Variants in ADAMTSL1 observed in about 807,000 individuals in gnomAD.
ADAMTSL1 encodes the protein ADAMTS like 1.
A neutral mutation model predicts 201.8 loss-of-function variants in ADAMTSL1; 126 were observed. That is an observed-to-expected ratio of 0.62 (90% CI 0.54 to 0.72). ADAMTSL1 has a LOEUF of 0.72. Ranked by LOEUF, ADAMTSL1 falls within the 30% of genes least tolerant of loss-of-function variation. The probability of loss-of-function intolerance (pLI) is 0.00; values close to 1 mark genes in which losing one functional copy is unlikely to be tolerated. For missense variants in ADAMTSL1, 2,679 were observed against 2,277.8 expected, an observed-to-expected ratio of 1.18 and a Z score of -3.59; for synonymous variants, 1,121 against 903.4, an observed-to-expected ratio of 1.24 and a Z score of -4.32.
chr9:17,941,508 C>T (rs1001696171), intron 1 of ADAMTSL1, among the ~76,000 whole-genome samples: 13 of 151,996 alleles, frequency 8.6e-5, no homozygotes, highest in East Asian at 1.9e-4. Context: ...CAATCTCTAC[C>T]ATTTATCCTA....
In ADAMTSL1 at chr9:18,737,319, C is replaced by CAAAA. The variant is rs59511409; in HGVS notation, c.2006+15675_2006+15678dup. 2.7e-3 allele frequency among the ~76,000 whole-genome samples: 143 copies of CAAAA among 53,664 alleles called. 18 individuals are homozygous for CAAAA. The highest frequency in any genetic ancestry group is 0.012 in the East Asian group (20 of 1,624). The allele number at this position is 53,664 out of a possible 152,430, so 35.2% of individuals were successfully genotyped here. A position where few individuals can be genotyped will look rare whatever the true frequency, so the allele number is the denominator to read the frequency against. ...GCCCAACAAGAGTGAAACTCTGTCT[C>CAAAA]AAAAAAAAAAAAAAAAAAAAAAAAG... On this transcript the variant is annotated intron_variant, in intron 15 of 28. Coordinates refer to ENST00000380548, the MANE Select transcript of ADAMTSL1 (RefSeq NM_001040272.6).
chr9:18,393,366 G>A (rs1838131073), intron 2 of ADAMTSL1, among the ~76,000 whole-genome samples: 1 of 152,074 alleles, frequency 6.6e-6, no homozygotes, highest in Admixed American at 6.6e-5. Flanking sequence ...GACCTGGTAG[G>A]GATTAAAGGG....
intron 2 of ADAMTSL1, among the ~76,000 whole-genome samples, chr9:18,217,281 T>G (rs987698309): frequency 1.3e-5 from 2 of 152,196 alleles, no homozygotes; most frequent in African/African-American, 4.8e-5. Context: ...CCTGTGAAGT[T>G]TAGATGAGGA....
chr9:18,737,369 C>G (rs1436420328), intron 15 of ADAMTSL1, among the ~76,000 whole-genome samples: 1 of 150,462 alleles, frequency 6.6e-6, no homozygotes, highest in Non-Finnish European at 1.5e-5. Flanking sequence ...GACTTCCACT[C>G]CAGAGCCCCA....
rs1271068424 is a variant in ADAMTSL1, at chr9:18,826,355, G to A, written c.4006G>A (p.Gly1336Ser). ...GGGCTCCCCGCACCATCTGCACGAA[G>A]GCTCCTTGCTGCTCACAAACGTGTC... ...KLGSPHHLHE[G>S]SLLLTNVSSS... is the part of the protein sequence containing the mutation. The change falls in exon 22 of 29, where the codon GGC (glycine) becomes AGC (serine). Residue 1336 changes from glycine to serine, a missense_variant. Coordinates refer to ENST00000380548, the MANE Select transcript of ADAMTSL1 (RefSeq NM_001040272.6). 2 of 1,613,602 alleles carry A rather than the reference G, an allele frequency of 1.2e-6. No homozygotes were observed. The highest frequency in any genetic ancestry group is 2.2e-5 in the South Asian group (2 of 90,978).
At chr9:18,014,753 C>G (rs1244234061) in intron 1 of ADAMTSL1, among the ~76,000 whole-genome samples, 1 of 151,976 alleles carries the variant, frequency 6.6e-6, no homozygotes, top group Non-Finnish European at 1.5e-5. Flanking sequence ...AGGCTGATGA[C>G]AGCTCAGGTC....
At chr9:18,332,467 T>A (rs1375930196) in intron 2 of ADAMTSL1, among the ~76,000 whole-genome samples, 1 of 152,072 alleles carries the variant, frequency 6.6e-6, no homozygotes, top group Non-Finnish European at 1.5e-5. Flanking sequence ...CTCCTTTTTT[T>A]AGAGACAAAA....
At chr9:17,958,432 T>C (rs1828011410) in intron 1 of ADAMTSL1, among the ~76,000 whole-genome samples, 1 of 152,210 alleles carries the variant, frequency 6.6e-6, no homozygotes, top group South Asian at 2.1e-4. Context: ...AGCAAGTTTA[T>C]CATTATTTTA....
chr9:18,499,025 C>T (rs144328267), intron 1 of ADAMTSL1, among the ~76,000 whole-genome samples: 1 of 152,366 alleles, frequency 6.6e-6, no homozygotes. Context: ...AAAAGGGAGA[C>T]AGGTACCCAA....
At chr9:18,799,100 G>A (rs1010256910) in intron 20 of ADAMTSL1, among the ~76,000 whole-genome samples, 2 of 152,120 alleles carry the variant, frequency 1.3e-5, no homozygotes, top group African/African-American at 4.8e-5. Flanking sequence ...CAGCCATTTA[G>A]ACCAAATGGC....
At chr9:18,675,988 T>A (rs946952695) in intron 10 of ADAMTSL1, 81 bp downstream of exon 10, 19 of 1,260,922 alleles carry the variant, frequency 1.5e-5, no homozygotes, top group Non-Finnish European at 2.2e-5. Flanking sequence ...GATATACATA[T>A]ACATAGAGAG....
intron 13 of ADAMTSL1, among the ~76,000 whole-genome samples, chr9:18,689,112 T>G (rs991882116): frequency 3.3e-5 from 5 of 152,076 alleles, no homozygotes; most frequent in African/African-American, 1.2e-4. Flanking sequence ...AAGTGTACAT[T>G]TATTTGGTGG....
intron 2 of ADAMTSL1, among the ~76,000 whole-genome samples, chr9:18,314,883 G>A (rs1239225028): frequency 3.9e-5 from 5 of 129,812 alleles, no homozygotes; most frequent in African/African-American, 8.8e-5. Flanking sequence ...TGCAAGCTCC[G>A]CCTCCCGGGT....
At chr9:18,149,754 G>T (rs1337558558) in intron 1 of ADAMTSL1, among the ~76,000 whole-genome samples, 1 of 152,078 alleles carries the variant, frequency 6.6e-6, no homozygotes, top group Non-Finnish European at 1.5e-5. Context: ...CTGAAGAAAG[G>T]ATAAGATTAG....
chr9:17,985,570 G>A (rs962221867), intron 1 of ADAMTSL1, among the ~76,000 whole-genome samples: 2 of 152,076 alleles, frequency 1.3e-5, no homozygotes, highest in African/African-American at 4.8e-5. Flanking sequence ...GAAATTGGTT[G>A]ACTGAAATGT....
intron 1 of ADAMTSL1, among the ~76,000 whole-genome samples, chr9:18,477,856 A>T (rs1417635354): frequency 6.6e-6 from 1 of 152,156 alleles, no homozygotes; most frequent in Non-Finnish European, 1.5e-5. Context: ...ATTTTCACAT[A>T]ACACCATTTC....
intron 2 of ADAMTSL1, among the ~76,000 whole-genome samples, chr9:18,444,155 C>T (rs1304769638): frequency 6.6e-6 from 1 of 151,976 alleles, no homozygotes; most frequent in African/African-American, 2.4e-5. Context: ...GTGACGATGG[C>T]TTCATGGTTT....
intron 23 of ADAMTSL1, among the ~76,000 whole-genome samples, chr9:18,886,518 A>G (rs948920656): frequency 2.0e-4 from 24 of 117,988 alleles, no homozygotes; most frequent in Middle Eastern, 7.9e-3. Flanking sequence ...AGTGGCTTAT[A>G]AACAAACAAA....
At chr9:18,491,462 T>A (rs973840227) in intron 1 of ADAMTSL1, among the ~76,000 whole-genome samples, 1 of 152,224 alleles carries the variant, frequency 6.6e-6, no homozygotes, top group Non-Finnish European at 1.5e-5. Context: ...TGCTTACACG[T>A]TGAAAGCACA....
Sources: gnomAD v4.1 joint callset for allele counts (sites outside exome capture counted in the v4.1 genomes callset) on GRCh38, gnomAD v4.1.1 for gene constraint, MANE v1.5 for transcripts, NCBI Gene and HGNC (gene_info 2026-07-23, HGNC 2026-07-21) for gene names.